Variants in AHCYL2 observed in about 807,000 individuals in gnomAD.
The protein encoded by AHCYL2 is adenosylhomocysteinase like 2.
Under a neutral mutation model 81.4 loss-of-function variants are expected in AHCYL2, and 28 were observed. The ratio of observed to expected loss-of-function variants is 0.34; its 90% CI spans 0.25 to 0.47. The LOEUF is 0.47. Among genes scored for constraint, AHCYL2 ranks in the 20% least tolerant of loss-of-function variants. The pLI, the probability that AHCYL2 is intolerant of heterozygous loss-of-function variation, is 1.00. For synonymous variants in AHCYL2, 272 were observed against 290.2 expected (o/e 0.94, Z 0.64); for missense variants, 551 against 785.1 (o/e 0.70, Z 3.56).
At chr7:129,417,114 G>A (rs56802342) in intron 12 of AHCYL2, among the ~76,000 whole-genome samples, 2,021 of 152,258 alleles carry the variant, frequency 0.013, 43 homozygotes, top group African/African-American at 0.047. Flanking sequence ...GACAGAGTGA[G>A]ACCCTGACTC....
intron 1 of AHCYL2, among the ~76,000 whole-genome samples, chr7:129,243,844 C>T (rs544492741): frequency 7.9e-5 from 12 of 152,250 alleles, no homozygotes; most frequent in South Asian, 2.1e-4. Flanking sequence ...CCACCTGCCT[C>T]GGCCTCCCAA....
chr7:129,263,212 T>TTG (rs1254093433), intron 1 of AHCYL2, among the ~76,000 whole-genome samples: 1 of 152,240 alleles, frequency 6.6e-6, no homozygotes, highest in Non-Finnish European at 1.5e-5. Flanking sequence ...TGCATGTCCA[T>TTG]TGTGTAGCTT....
At position 129,345,921 on chromosome 7, in the gene AHCYL2, T is replaced by C. The variant is rs186908304; in HGVS notation, c.364-33717T>C. 1.9e-4 allele frequency among the ~76,000 whole-genome samples: 29 copies of C among 152,306 alleles called. 1 individual carries two copies. The East Asian group carries it at 5.6e-3, about 29-fold the overall frequency. ...GATGAGTTCAGTTTTGGACAGGCTG[T>C]GTTTGAGGAACCTGTGGGATGTATA... is the stretch of plus-strand genomic sequence containing the variant. On this transcript the variant is annotated intron_variant, in intron 1 of 16. Coordinates refer to ENST00000325006, the MANE Select transcript of AHCYL2 (RefSeq NM_015328.4).
chr7:129,377,954 A>G (rs1794767989), intron 1 of AHCYL2, among the ~76,000 whole-genome samples: 1 of 152,196 alleles, frequency 6.6e-6, no homozygotes, highest in African/African-American at 2.4e-5. Flanking sequence ...TACATCTATT[A>G]TAGTTAATGA....
chr7:129,354,410 C>T (rs1440808529), intron 1 of AHCYL2, among the ~76,000 whole-genome samples: 1 of 152,082 alleles, frequency 6.6e-6, no homozygotes, highest in Non-Finnish European at 1.5e-5. Flanking sequence ...TATAGCCAGA[C>T]ATTTGAGAAA....
chr7:129,379,731 A>T lies in AHCYL2; in HGVS notation c.457A>T (p.Thr153Ser). ...SLSRSISQSS[T>S]DSYSSAASYT... Reference sequence around the variant, plus strand: ...GTCTCGTTCCATTTCTCAGTCATCTACTGACAGCTACAGCTCAGGTGAGTA... The same window carrying T: ...GTCTCGTTCCATTTCTCAGTCATCTTCTGACAGCTACAGCTCAGGTGAGTA... Residue 153 changes from threonine to serine, a missense_variant, in exon 2 of 17, where the codon ACT becomes TCT. By Grantham distance (58) the Thr-to-Ser change is moderately conservative. Coordinates refer to ENST00000325006, the MANE Select transcript of AHCYL2 (RefSeq NM_015328.4). 6.2e-7 allele frequency: 1 copy of T among 1,614,056 alleles called. No homozygotes were observed. Among genetic ancestry groups the T allele is most frequent in the East Asian group, 2.2e-5 (1 of 44,874 alleles).
intron 6 of AHCYL2, among the ~76,000 whole-genome samples, chr7:129,401,295 A>T (rs927799038): frequency 6.6e-6 from 1 of 152,000 alleles, no homozygotes; most frequent in Non-Finnish European, 1.5e-5. Context: ...ACACCACTGC[A>T]GTCCAGCCTG....
chr7:129,339,611 A>T (rs949476337), intron 1 of AHCYL2, among the ~76,000 whole-genome samples: 7 of 151,714 alleles, frequency 4.6e-5, no homozygotes, highest in Non-Finnish European at 8.8e-5. Flanking sequence ...GGCTCATCGC[A>T]GCCTCAAACT....
intron 1 of AHCYL2, among the ~76,000 whole-genome samples, chr7:129,243,274 C>T (rs896769933): frequency 5.3e-5 from 8 of 151,990 alleles, no homozygotes; most frequent in African/African-American, 9.7e-5. Context: ...CCACCTGCCT[C>T]GGCCTCCCAA....
chr7:129,373,843 C>A lies in AHCYL2; in HGVS notation c.364-5795C>A, dbSNP rs1413008828. On this transcript the variant is annotated intron_variant, in intron 1 of 16. Coordinates refer to ENST00000325006, the MANE Select transcript of AHCYL2 (RefSeq NM_015328.4). ...TAGGAGGAGCAAAAGTTGAGAGATTCATCAAGCAAGCAAATGATCTGTCTC... is the reference window on the plus strand; with the variant it reads ...TAGGAGGAGCAAAAGTTGAGAGATTAATCAAGCAAGCAAATGATCTGTCTC... Among the ~76,000 whole-genome samples, 4 of 152,252 alleles carry A rather than the reference C, an allele frequency of 2.6e-5. No individual in the cohort carries two copies. In the East Asian group the frequency reaches 7.7e-4, roughly 29 times the overall value.
rs1320767940 is a variant in AHCYL2 at position 129,426,031 on chromosome 7, G to GT, written c.1709-407dup. 6.6e-6 allele frequency among the ~76,000 whole-genome samples: 1 copy of GT among 152,212 alleles called. No homozygotes were observed. The highest frequency in any genetic ancestry group is 1.5e-5 in the Non-Finnish European group (1 of 68,022). ...TTTATCCCATTTAGTATCCTTCTTA[G>GT]TTTTTCCATTCAAGTTTCCCCAGGC... is the stretch of plus-strand genomic sequence containing the variant. On this transcript the variant is annotated intron_variant, in intron 15 of 16. Coordinates refer to ENST00000325006, the MANE Select transcript of AHCYL2 (RefSeq NM_015328.4). This position sits in a 1 kb window ranked among gnomAD's most constrained non-coding sequence, Gnocchi z 4.3.
At chr7:129,252,214 G>GT (rs1417210036) in intron 1 of AHCYL2, among the ~76,000 whole-genome samples, 1 of 152,142 alleles carries the variant, frequency 6.6e-6, no homozygotes, top group Non-Finnish European at 1.5e-5. Context: ...GTTCTTGTAT[G>GT]TAACACTCTT....
chr7:129,335,332 A>C (rs1798562821), intron 1 of AHCYL2, among the ~76,000 whole-genome samples: 1 of 151,988 alleles, frequency 6.6e-6, no homozygotes, highest in Non-Finnish European at 1.5e-5. Context: ...ATATGATCAC[A>C]TACCTGCACT....
chr7:129,360,014 A>T (rs983365427), intron 1 of AHCYL2, among the ~76,000 whole-genome samples: 18 of 152,042 alleles, frequency 1.2e-4, no homozygotes, highest in Non-Finnish European at 2.6e-4. Flanking sequence ...ATTTTTACTC[A>T]TACCCTGTTC....
chr7:129,372,899 G>A (rs1459552874), intron 1 of AHCYL2, among the ~76,000 whole-genome samples: 2 of 152,088 alleles, frequency 1.3e-5, no homozygotes, highest in African/African-American at 4.8e-5. Context: ...GCCTGTGAAC[G>A]TGCCTCCATG....
intron 1 of AHCYL2, among the ~76,000 whole-genome samples, chr7:129,230,506 A>G (rs2150674133): frequency 6.6e-6 from 1 of 152,150 alleles, no homozygotes; most frequent in African/African-American, 2.4e-5. Flanking sequence ...GAACTAACAG[A>G]GCCCTAAACT....
At chr7:129,402,936 C>CT (rs1457211214) in intron 6 of AHCYL2, among the ~76,000 whole-genome samples, 2 of 150,472 alleles carry the variant, frequency 1.3e-5, no homozygotes, top group African/African-American at 2.4e-5. Context: ...ATTTATTTTT[C>CT]TTTTTTTTCT....
intron 1 of AHCYL2, among the ~76,000 whole-genome samples, chr7:129,253,672 T>A (rs10954224): frequency 0.51 from 76,786 of 152,008 alleles, 22,025 homozygotes; most frequent in Non-Finnish European, 0.63. Context: ...GGTGCAGTGG[T>A]TCAGACACAG....
At chr7:129,398,110 G>T (rs1388480413) in intron 5 of AHCYL2, among the ~76,000 whole-genome samples, 1 of 152,004 alleles carries the variant, frequency 6.6e-6, no homozygotes, top group African/African-American at 2.4e-5. Context: ...CTAGGAACAG[G>T]TGATCCTCCC....
Sources: gnomAD v4.1 joint callset for allele counts (sites outside exome capture counted in the v4.1 genomes callset) on GRCh38, gnomAD v4.1.1 for gene constraint, Gnocchi (gnomAD v3.1) non-coding constraint, MANE v1.5 for transcripts, NCBI Gene and HGNC (gene_info 2026-07-23, HGNC 2026-07-21) for gene names.